TBC1D1: variants seen among roughly 807,000 people sequenced by gnomAD.
TBC1D1 encodes the protein TBC1 (tre-2/USP6, BUB2, cdc16) domain family, member 1.
In TBC1D1, 89 loss-of-function variants were observed where a neutral mutation model predicts 125.6. The observed-to-expected ratio is 0.71, with a 90% CI of 0.60 to 0.85. TBC1D1 has a LOEUF of 0.85. Among genes scored for constraint, TBC1D1 ranks in the 40% least tolerant of loss-of-function variants. TBC1D1 has a pLI of 0.00. For missense variants in TBC1D1, 1,377 were observed against 1,469.2 expected (o/e 0.94, Z 1.03); for synonymous variants, 565 against 564.1 (o/e 1.00, Z -0.02).
chr4:37,920,848 C>G (rs537109549), intron 2 of TBC1D1, among the ~76,000 whole-genome samples: 7 of 152,082 alleles, frequency 4.6e-5, no homozygotes, highest in Non-Finnish European at 1.0e-4. Context: ...CGGTGGCTCA[C>G]GCCTGTAATC....
chr4:38,043,059 A>G (rs1044888280), intron 8 of TBC1D1, among the ~76,000 whole-genome samples: 1 of 151,428 alleles, frequency 6.6e-6, no homozygotes, highest in African/African-American at 2.4e-5. Context: ...GCGCCACTAC[A>G]CCCGGCTGTT....
At chr4:38,021,493 T>TA in intron 5 of TBC1D1, 93 bp from the exon 6 acceptor site, 3 of 1,232,412 alleles carry the variant, frequency 2.4e-6, no homozygotes, top group African/African-American at 1.6e-5. Context: ...TCTTAAAGCT[T>TA]AAAAAATCTT....
rs528902342 is a variant in TBC1D1, at chr4:38,118,102, C to T, written c.2872C>T (p.His958Tyr). Residue 958 changes from histidine to tyrosine, a missense_variant, in exon 17 of 20, where the codon CAC becomes TAC. By Grantham distance (83) the His-to-Tyr change is moderately conservative (BLOSUM62 2). This residue lies in a region of TBC1D1 where 543 missense variants were observed against 613.5 expected (regional missense o/e 0.89). Transcript: ENST00000261439. ...AGACCTCTACAATCACCTGGAGGAG[C>T]ACGAGATCGGCCCCAGCCTCTACGC... The T allele has an allele frequency of 5.6e-6, 9 of 1,614,182 alleles. No individual in the cohort carries two copies. In the South Asian group the frequency reaches 9.9e-5, roughly 18 times the overall value.
At chr4:37,951,605 G>T (rs1196167944) in intron 2 of TBC1D1, among the ~76,000 whole-genome samples, 1 of 152,050 alleles carries the variant, frequency 6.6e-6, no homozygotes, top group Admixed American at 6.6e-5. Flanking sequence ...TATCTTCTGT[G>T]GTCACAGCAG....
intron 2 of TBC1D1, among the ~76,000 whole-genome samples, chr4:38,013,953 G>A (rs1742058049): frequency 6.6e-6 from 1 of 152,188 alleles, no homozygotes; most frequent in Non-Finnish European, 1.5e-5. Context: ...AGGAAATAAT[G>A]GTGCTGGGAT....
At chr4:38,123,339 T>G (rs890002848) in intron 17 of TBC1D1, among the ~76,000 whole-genome samples, 3 of 152,242 alleles carry the variant, frequency 2.0e-5, no homozygotes, top group Non-Finnish European at 4.4e-5. Context: ...AAACTTCAAA[T>G]TTACTTTAGA....
chr4:38,050,288 A>G (rs1309778486), intron 11 of TBC1D1, among the ~76,000 whole-genome samples: 3 of 152,186 alleles, frequency 2.0e-5, no homozygotes, highest in African/African-American at 7.2e-5. Flanking sequence ...AGGCAGAGCA[A>G]GAGAGGTATG....
chr4:38,106,144 G>A (rs1387321022), intron 15 of TBC1D1, among the ~76,000 whole-genome samples: 1 of 152,200 alleles, frequency 6.6e-6, no homozygotes, highest in Non-Finnish European at 1.5e-5. Context: ...TAGGACAGTG[G>A]CTGTGACACA....
chr4:38,011,441 A>G (rs1578259293), intron 2 of TBC1D1, among the ~76,000 whole-genome samples: 1 of 152,232 alleles, frequency 6.6e-6, no homozygotes, highest in Admixed American at 6.5e-5. Flanking sequence ...ACACACAGAT[A>G]GAACCCATTT....
intron 11 of TBC1D1, among the ~76,000 whole-genome samples, chr4:38,051,644 A>T (rs939760333): frequency 3.3e-5 from 5 of 152,120 alleles, no homozygotes; most frequent in African/African-American, 1.2e-4. Flanking sequence ...TAAAAAAAAA[A>T]AGTATTGTTG....
At chr4:38,011,151 A>G (rs1741396401) in intron 2 of TBC1D1, among the ~76,000 whole-genome samples, 1 of 152,154 alleles carries the variant, frequency 6.6e-6, no homozygotes, top group Admixed American at 6.5e-5. Flanking sequence ...CAGGAGTTCA[A>G]GACCAGCCTG....
At chr4:37,975,504 C>T (rs1038397880) in intron 2 of TBC1D1, among the ~76,000 whole-genome samples, 4 of 152,142 alleles carry the variant, frequency 2.6e-5, no homozygotes, top group Admixed American at 6.5e-5. Context: ...TAAACTCCCC[C>T]GGGGAAAGGG....
chr4:38,045,986 A>T, intron 10 of TBC1D1, 83 bp downstream of exon 10: 1 of 1,238,434 alleles, frequency 8.1e-7, no homozygotes. Context: ...ACCTCCAATC[A>T]TAAAACGTTT....
intron 15 of TBC1D1, among the ~76,000 whole-genome samples, chr4:38,105,603 C>A (rs1374721000): frequency 6.6e-6 from 1 of 152,066 alleles, no homozygotes; most frequent in East Asian, 1.9e-4. Flanking sequence ...CCCTCTCCAC[C>A]CCCCAGGAGT....
intron 2 of TBC1D1, among the ~76,000 whole-genome samples, chr4:37,909,931 G>A (rs1445023692): frequency 6.6e-6 from 1 of 152,114 alleles, no homozygotes. Flanking sequence ...TGCAAGGGCT[G>A]GCAGGAATTT....
intron 3 of TBC1D1, among the ~76,000 whole-genome samples, 162 bp from the exon 4 acceptor site, chr4:38,018,192 G>A (rs6833071): frequency 6.6e-6 from 1 of 151,950 alleles, no homozygotes; most frequent in Middle Eastern, 3.2e-3. Context: ...TAATAGATGT[G>A]TCTTATGACC....
At chr4:38,027,587 G>A (rs13130922) in intron 6 of TBC1D1, among the ~76,000 whole-genome samples, 5 of 151,952 alleles carry the variant, frequency 3.3e-5, no homozygotes, top group Non-Finnish European at 7.4e-5. Context: ...AGTGAGCCGT[G>A]ATTGCACCAC....
intron 8 of TBC1D1, among the ~76,000 whole-genome samples, chr4:38,037,775 A>G (rs1377368443): frequency 1.3e-5 from 2 of 152,216 alleles, no homozygotes; most frequent in Non-Finnish European, 2.9e-5. Flanking sequence ...CAGGGAGGCC[A>G]TATGCGCTTT....
At chr4:37,930,633 T>C (rs1360579793) in intron 2 of TBC1D1, among the ~76,000 whole-genome samples, 4 of 152,190 alleles carry the variant, frequency 2.6e-5, no homozygotes, top group Non-Finnish European at 5.9e-5. Context: ...GGCTAAACAT[T>C]TTAAAGTCAG....
Sources: allele counts gnomAD v4.1 joint callset (sites outside exome capture counted in the v4.1 genomes callset), GRCh38; gene constraint gnomAD v4.1.1; regional missense constraint gnomAD v4.1.1; transcripts MANE v1.5; gene names NCBI Gene and HGNC (gene_info 2026-07-23, HGNC 2026-07-21).